Variants in COL3A1 observed in about 807,000 individuals in gnomAD.
COL3A1 encodes collagen alpha-1(III) chain.
Under a neutral mutation model 200.9 loss-of-function variants are expected in COL3A1, and 46 were observed. The ratio of observed to expected loss-of-function variants is 0.23; its 90% CI spans 0.18 to 0.29. The LOEUF (loss-of-function observed/expected upper bound fraction) is 0.29, where lower values mean the gene tolerates loss of function less well. COL3A1 is among the 10% of genes least tolerant of loss of function. COL3A1 has a pLI of 1.00. For synonymous variants in COL3A1, 650 were observed against 628.0 expected (o/e 1.03, Z -0.52); for missense variants, 1,367 against 1,917.6 (o/e 0.71, Z 5.36).
intron 15 of COL3A1, 55 bp from the exon 16 acceptor site, chr2:188,993,306 G>C: frequency 7.0e-7 from 1 of 1,426,876 alleles, no homozygotes; most frequent in Non-Finnish European, 9.7e-7. Context: ...AGGGTGAAGT[G>C]GCTAAGTGAG....
chr2:188,974,932 G>A (rs1687776576), intron 1 of COL3A1, among the ~76,000 whole-genome samples: 2 of 152,110 alleles, frequency 1.3e-5, no homozygotes, highest in East Asian at 1.9e-4. Context: ...ATAATTTTAT[G>A]TTCCTCTTTG....
At chr2:189,009,328 G>C in intron 48 of COL3A1, 107 bp downstream of exon 48, 1 of 1,369,430 alleles carries the variant, frequency 7.3e-7, no homozygotes. Flanking sequence ...AGCTGAAATA[G>C]TACTTTAAGA....
intron 31 of COL3A1, 40 bp from the exon 32 acceptor site, chr2:188,999,802 A>C: frequency 6.3e-7 from 1 of 1,575,174 alleles, no homozygotes; most frequent in Non-Finnish European, 8.6e-7. Context: ...TTTTCACTGA[A>C]GATACTTTGA....
chr2:189,009,504 T>C (rs1688672915), intron 48 of COL3A1, among the ~76,000 whole-genome samples: 1 of 152,280 alleles, frequency 6.6e-6, no homozygotes, highest in East Asian at 1.9e-4. Flanking sequence ...TATCTTTTTT[T>C]CTCAGGATTA....
At chr2:189,008,736 A>G (rs1688650924) in intron 47 of COL3A1, 188 bp from the exon 48 acceptor site, 1 of 630,916 alleles carries the variant, frequency 1.6e-6, no homozygotes, top group South Asian at 1.9e-5. Flanking sequence ...CTTTCTTGAT[A>G]ATGAATTGTA....
intron 34 of COL3A1, 87 bp from the exon 35 acceptor site, chr2:189,002,206 GAAAGA>G: frequency 9.2e-7 from 1 of 1,086,158 alleles, no homozygotes; most frequent in South Asian, 1.3e-5. Flanking sequence ...CTGCTTAAAG[GAAAGA>G]AAAGATAAGA....
At chr2:188,984,632 T>A (rs1688025302) in intron 1 of COL3A1, 128 bp from the exon 2 acceptor site, 1 of 800,604 alleles carries the variant, frequency 1.2e-6, no homozygotes, top group Admixed American at 2.1e-5. Context: ...AATTTTCTAA[T>A]GAAAGGAAGA....
intron 37 of COL3A1, 22 bp downstream of exon 37, chr2:189,003,486 T>C: frequency 1.2e-6 from 2 of 1,608,942 alleles, no homozygotes; most frequent in Non-Finnish European, 1.7e-6. Flanking sequence ...TCCTCTTAAC[T>C]ATTATTGAAA....
At position 188,999,568 on chromosome 2, in the gene COL3A1, G is replaced by T. The variant is rs541557925; in HGVS notation, c.2220G>T (p.Lys740Asn). 1 of 1,613,308 alleles carries T rather than the reference G, an allele frequency of 6.2e-7. No individual in the cohort carries two copies. Among genetic ancestry groups the T allele is most frequent in the African/African-American group, 1.3e-5 (1 of 75,026 alleles). Residue 740 changes from lysine (K) to asparagine (N), a missense_variant, in exon 31 of 51, where the codon AAG becomes AAT. This residue lies in a region of COL3A1 where 846 missense variants were observed against 1,147.9 expected (regional missense o/e 0.74). Coordinates refer to ENST00000304636, the MANE Select transcript of COL3A1 (RefSeq NM_000090.4). The part of the protein sequence containing the change: ...ERGGLGSPGP[K>N]GDKGEPGGPG... ...GAGGTCTTGGAAGTCCTGGTCCAAA[G>T]GGTGACAAGGTGTTGACTTGTTTTC...
rs528250975 is a variant in COL3A1 at position 188,976,600 on chromosome 2, C to A, written c.79+2032C>A. ...GAATATACAGCACACTGAGAGCTGT[C>A]ATAAAGTTCTGGGGTGGGGTTTCTT... On this transcript the variant is annotated intron_variant, in intron 1 of 50. Transcript: ENST00000304636. 2.0e-4 allele frequency among the ~76,000 whole-genome samples: 31 copies of A among 152,198 alleles called. 1 individual carries two copies. The highest frequency in any genetic ancestry group is 2.0e-3 in the Admixed American group (30 of 15,276).
At chr2:188,998,162 T>C in intron 27 of COL3A1, 104 bp from the exon 28 acceptor site, 1 of 1,067,564 alleles carries the variant, frequency 9.4e-7, no homozygotes, top group South Asian at 1.4e-5. Context: ...ACAAGACCAC[T>C]GGAACTTTTT....
intron 1 of COL3A1, 64 bp from the exon 2 acceptor site, chr2:188,984,696 A>C (rs894251292): frequency 1.6e-5 from 23 of 1,426,952 alleles, no homozygotes; most frequent in Non-Finnish European, 2.3e-5. Flanking sequence ...GTCCTAACAG[A>C]GTAACAAAAA....
intron 44 of COL3A1, 30 bp from the exon 45 acceptor site, chr2:189,007,470 A>G (rs1688619056): frequency 6.5e-7 from 1 of 1,539,338 alleles, no homozygotes; most frequent in Admixed American, 1.7e-5. Flanking sequence ...ATGTGTGTAT[A>G]TGACTTCAAT....
intron 50 of COL3A1, 134 bp from the exon 51 acceptor site, chr2:189,011,494 T>G (rs1204825865): frequency 1.1e-6 from 1 of 924,428 alleles, no homozygotes; most frequent in Admixed American, 2.0e-5. Flanking sequence ...GTAGAGCAGG[T>G]CTCATATACA....
At chr2:189,008,431 G>T (rs1040836040) in intron 47 of COL3A1, 2 of 469,228 alleles carry the variant, frequency 4.3e-6, no homozygotes, top group East Asian at 8.5e-5. Flanking sequence ...TCCCACTAGA[G>T]ATCTCAGAAT....
chr2:188,997,521 T>C (rs1248551013), intron 26 of COL3A1, 132 bp downstream of exon 26: 13 of 1,163,382 alleles, frequency 1.1e-5, no homozygotes, highest in African/African-American at 1.5e-5. Flanking sequence ...CTTGCTGACC[T>C]AGTTATCTAG....
intron 1 of COL3A1, among the ~76,000 whole-genome samples, chr2:188,975,267 T>C (rs1687784997): frequency 6.6e-6 from 1 of 152,188 alleles, no homozygotes; most frequent in South Asian, 2.1e-4. Flanking sequence ...AGAAAATATT[T>C]TTTAAAATGT....
chr2:188,978,756 C>CAAA lies in COL3A1; in HGVS notation c.79+4206_79+4208dup, dbSNP rs55694521. Among the ~76,000 whole-genome samples the CAAA allele has an allele frequency of 3.0e-3, 259 of 87,766 alleles. 3 individuals carry two copies. The highest frequency in any genetic ancestry group is 0.01 in the African/African-American group (240 of 23,802). 57.6% of individuals were successfully genotyped at this position (87,766 alleles called of 152,430 possible). A position where few individuals can be genotyped will look rare whatever the true frequency, so the allele number is the denominator to read the frequency against. ...AGCTCAATCCCATTGTTTCCACACT[C>CAAA]AAAAAAAAAAAAAAAAAAAAGATCA... On this transcript the variant is annotated intron_variant, in intron 1 of 50. Transcript: ENST00000304636.
chr2:189,008,416 T>G, intron 47 of COL3A1: 1 of 491,508 alleles, frequency 2.0e-6, no homozygotes, highest in Non-Finnish European at 3.7e-6. Flanking sequence ...CTGTCCACAT[T>G]GCTATCCCAC....
Sources: gnomAD v4.1 joint callset for allele counts (sites outside exome capture counted in the v4.1 genomes callset) on GRCh38, gnomAD v4.1.1 for gene constraint, gnomAD v4.1.1 regional missense constraint, MANE v1.5 for transcripts, NCBI Gene and HGNC (gene_info 2026-07-23, HGNC 2026-07-21) for gene names.